Variants in MBD5 observed in about 807,000 individuals in gnomAD.
MBD5 encodes methyl-CpG binding domain protein 5, also known as methyl-CpG-binding domain protein 5.
In MBD5, 13 loss-of-function variants were observed where a neutral mutation model predicts 117.3. That is an observed-to-expected ratio of 0.11 (90% confidence interval 0.07 to 0.18). MBD5 has a LOEUF of 0.18. Among genes scored for constraint, MBD5 ranks in the 10% least tolerant of loss-of-function variants. The probability of loss-of-function intolerance (pLI) is 1.00; values close to 1 mark genes in which losing one functional copy is unlikely to be tolerated. For synonymous variants in MBD5, 727 were observed against 766.4 expected, an observed-to-expected ratio of 0.95 and a Z score of 0.85; for missense variants, 1,879 against 2,093.8, an observed-to-expected ratio of 0.90 and a Z score of 2.00.
At chr2:148,428,151 C>T (rs914107126) in intron 4 of MBD5, among the ~76,000 whole-genome samples, 24 of 152,046 alleles carry the variant, frequency 1.6e-4, no homozygotes, top group African/African-American at 3.1e-4. Context: ...GCAAAGTCTC[C>T]GGATACAAAA....
chr2:148,336,677 A>C (rs1479944332), intron 3 of MBD5, among the ~76,000 whole-genome samples: 1 of 152,152 alleles, frequency 6.6e-6, no homozygotes, highest in African/African-American at 2.4e-5. Flanking sequence ...ATGAGCCACC[A>C]TACCTGGCCT....
chr2:148,186,931 A>C (rs1004245079), intron 2 of MBD5, among the ~76,000 whole-genome samples: 3 of 152,250 alleles, frequency 2.0e-5, no homozygotes, highest in Non-Finnish European at 4.4e-5. Context: ...AAAACAATGA[A>C]GAGAGTCTTA....
At chr2:148,138,279 T>A (rs185250048) in intron 1 of MBD5, among the ~76,000 whole-genome samples, 1 of 152,362 alleles carries the variant, frequency 6.6e-6, no homozygotes, top group East Asian at 1.9e-4. Context: ...ATATTTCTAT[T>A]ATTCTCATGT....
chr2:148,430,908 T>C (rs1227054565), intron 4 of MBD5, among the ~76,000 whole-genome samples: 1 of 152,148 alleles, frequency 6.6e-6, no homozygotes, highest in Non-Finnish European at 1.5e-5. Context: ...AAAAGATTTG[T>C]TTAAACAGAG....
At chr2:148,383,561 A>G (rs1235360816) in intron 4 of MBD5, among the ~76,000 whole-genome samples, 1 of 152,152 alleles carries the variant, frequency 6.6e-6, no homozygotes, top group Non-Finnish European at 1.5e-5. Flanking sequence ...TTCTGAAACT[A>G]TTCCAATAAA....
At position 148,505,598 on chromosome 2, in the gene MBD5, A is replaced by G. The variant is rs571598379; in HGVS notation, c.5036+3089A>G. Among the ~76,000 whole-genome samples, 158 of 152,344 alleles carry G rather than the reference A, an allele frequency of 1.0e-3. 1 individual carries two copies. The highest frequency in any genetic ancestry group is 3.4e-3 in the Middle Eastern group (1 of 294). On this transcript the variant is annotated intron_variant, in intron 12 of 13. Coordinates refer to ENST00000642680, the MANE Select transcript of MBD5 (RefSeq NM_001378120.1). ...AACTTCAGTGAGAACAGTTTCCAGT[A>G]GAGTGATGGGTATACACACAAAATG... is the stretch of plus-strand genomic sequence containing the variant.
At chr2:148,343,019 C>T (rs1342950577) in intron 4 of MBD5, among the ~76,000 whole-genome samples, 1 of 151,984 alleles carries the variant, frequency 6.6e-6, no homozygotes, top group Non-Finnish European at 1.5e-5. Context: ...TGTGTGAGAA[C>T]ATGCGATATT....
At chr2:148,079,857 AAACAAC>A (rs201427792) in intron 1 of MBD5, among the ~76,000 whole-genome samples, 12,569 of 123,364 alleles carry the variant, frequency 0.1, 1,164 homozygotes, top group African/African-American at 0.27. Flanking sequence ...ACTCTGTCTA[AAACAAC>A]AACAACAACA....
chr2:148,096,774 C>T (rs1304470298), intron 1 of MBD5, among the ~76,000 whole-genome samples: 1 of 151,902 alleles, frequency 6.6e-6, no homozygotes, highest in Admixed American at 6.6e-5. Flanking sequence ...CCAGAAGTAC[C>T]CTTTGTTTTG....
At chr2:148,267,487 C>T (rs923748334) in intron 3 of MBD5, among the ~76,000 whole-genome samples, 3 of 152,028 alleles carry the variant, frequency 2.0e-5, no homozygotes, top group Admixed American at 6.6e-5. Flanking sequence ...AACTTTTAAT[C>T]GAATCACATC....
At chr2:148,061,492 T>C (rs977070569) in intron 1 of MBD5, among the ~76,000 whole-genome samples, 6 of 152,072 alleles carry the variant, frequency 3.9e-5, no homozygotes, top group African/African-American at 1.4e-4. Context: ...AAGGGAAATC[T>C]ACCATATCAT....
chr2:148,180,958 T>G (rs1009917030), intron 2 of MBD5, among the ~76,000 whole-genome samples: 1 of 152,204 alleles, frequency 6.6e-6, no homozygotes, highest in Non-Finnish European at 1.5e-5. Context: ...TTTAAAATTT[T>G]TATATGAGAA....
At chr2:148,250,175 G>A (rs905478110) in intron 3 of MBD5, among the ~76,000 whole-genome samples, 2 of 152,166 alleles carry the variant, frequency 1.3e-5, no homozygotes, top group African/African-American at 4.8e-5. Context: ...CATGGATGGA[G>A]CTGGAGGCCA....
chr2:148,446,418 C>T (rs565014204), intron 4 of MBD5, among the ~76,000 whole-genome samples: 1 of 152,058 alleles, frequency 6.6e-6, no homozygotes, highest in African/African-American at 2.4e-5. Context: ...AACAAACAAA[C>T]AGAACAATAG....
chr2:148,120,467 T>C (rs1376500619), intron 1 of MBD5, among the ~76,000 whole-genome samples: 1 of 152,236 alleles, frequency 6.6e-6, no homozygotes, highest in African/African-American at 2.4e-5. Flanking sequence ...TTTAATGTCA[T>C]AAAGAAATGC....
chr2:148,154,188 G>GTACCC (rs1221512592), intron 1 of MBD5, among the ~76,000 whole-genome samples: 1 of 150,052 alleles, frequency 6.7e-6, no homozygotes, highest in African/African-American at 2.5e-5. Context: ...GTCTGTTGGA[G>GTACCC]TACCCTGCCG....
chr2:148,217,434 C>T (rs937782821), intron 2 of MBD5, among the ~76,000 whole-genome samples: 1 of 152,180 alleles, frequency 6.6e-6, no homozygotes, highest in African/African-American at 2.4e-5. Flanking sequence ...GAGGCCAGCT[C>T]ATCAGCTCTT....
At chr2:148,356,903 T>TC (rs397816381) in intron 4 of MBD5, among the ~76,000 whole-genome samples, 6 of 149,426 alleles carry the variant, frequency 4.0e-5, no homozygotes, top group Non-Finnish European at 7.4e-5. Context: ...TCTTTTCTTT[T>TC]TTTTTAATTC....
chr2:148,128,007 C>T (rs527405363), intron 1 of MBD5, among the ~76,000 whole-genome samples: 4 of 152,130 alleles, frequency 2.6e-5, no homozygotes, highest in African/African-American at 9.6e-5. Context: ...TTTTTTCATA[C>T]GTGTGTTAGC....
Sources: allele counts gnomAD v4.1 joint callset (sites outside exome capture counted in the v4.1 genomes callset), GRCh38; gene constraint gnomAD v4.1.1; transcripts MANE v1.5; gene names NCBI Gene and HGNC (gene_info 2026-07-23, HGNC 2026-07-21).